The following SORCS1 variants were observed in gnomAD, a reference collection of about 807,000 sequenced individuals.
The protein encoded by SORCS1 is VPS10 domain-containing receptor SorCS1.
Under a neutral mutation model 146.1 loss-of-function variants are expected in SORCS1, and 60 were observed. That is an observed-to-expected ratio of 0.41 (90% CI 0.33 to 0.51). The LOEUF (loss-of-function observed/expected upper bound fraction) is 0.51. Among genes scored for constraint, SORCS1 ranks in the 20% least tolerant of loss-of-function variants. SORCS1 has a pLI of 0.21. For synonymous variants in SORCS1, 637 were observed against 584.0 expected, an observed-to-expected ratio of 1.09 and a Z score of -1.31; for missense variants, 1,352 against 1,487.6, an observed-to-expected ratio of 0.91 and a Z score of 1.50.
At chr10:106,649,407 T>G (rs1164790120) in intron 18 of SORCS1, among the ~76,000 whole-genome samples, 1 of 152,204 alleles carries the variant, frequency 6.6e-6, no homozygotes, top group African/African-American at 2.4e-5. Context: ...ATCACACGCC[T>G]GTTAGGGGGA....
At chr10:106,863,039 T>C (rs944508478) in intron 2 of SORCS1, among the ~76,000 whole-genome samples, 1 of 151,994 alleles carries the variant, frequency 6.6e-6, no homozygotes, top group African/African-American at 2.4e-5. Context: ...TAAGAAAAAA[T>C]CTGATAATAT....
chr10:107,170,846 CAA>C, the SORCS1 span, among the ~76,000 whole-genome samples: 1 of 152,318 alleles, frequency 6.6e-6, no homozygotes, highest in Admixed American at 6.5e-5. Flanking sequence ...GTCAAAGGCA[CAA>C]AGTCTGTTGT....
chr10:106,918,548 T>C (rs578214662), intron 2 of SORCS1, among the ~76,000 whole-genome samples: 1 of 151,684 alleles, frequency 6.6e-6, no homozygotes, highest in South Asian at 2.1e-4. Flanking sequence ...CCAAACAGTA[T>C]GCATACTGAA....
chr10:106,666,033 G>T (rs1851110658), intron 17 of SORCS1, among the ~76,000 whole-genome samples: 1 of 152,078 alleles, frequency 6.6e-6, no homozygotes, highest in Non-Finnish European at 1.5e-5. Context: ...GTAGAGACAG[G>T]TTTTCACCAT....
At chr10:106,641,196 A>G (rs192640237) in intron 18 of SORCS1, among the ~76,000 whole-genome samples, 2 of 152,326 alleles carry the variant, frequency 1.3e-5, no homozygotes, top group Admixed American at 1.3e-4. Context: ...TCTGAGTAAC[A>G]TATCAGGTGA....
chr10:107,038,082 C>T (rs1286479276), intron 1 of SORCS1, among the ~76,000 whole-genome samples: 1 of 152,154 alleles, frequency 6.6e-6, no homozygotes, highest in Non-Finnish European at 1.5e-5. Context: ...CTCAGCCTCC[C>T]AGTGTGCTGG....
chr10:107,163,948 C>T (rs1337000430), intron 1 of SORCS1, 21 bp downstream of exon 1: 2 of 1,602,664 alleles, frequency 1.2e-6, no homozygotes, highest in Non-Finnish European at 1.7e-6. Context: ...ACCCCTTTAC[C>T]CTCAGTCCCA....
chr10:106,817,955 A>C (rs1947822903), intron 3 of SORCS1, among the ~76,000 whole-genome samples: 2 of 152,208 alleles, frequency 1.3e-5, no homozygotes, highest in Admixed American at 6.5e-5. Context: ...CTAAACTCTT[A>C]AAGCCTTTGT....
chr10:106,895,796 C>G lies in SORCS1; in HGVS notation c.626+60717G>C, dbSNP rs528377549. On this transcript the variant is annotated intron_variant, in intron 2 of 25. Coordinates refer to ENST00000263054, the MANE Select transcript of SORCS1 (RefSeq NM_052918.5). ...TCCCACTCTTAGGTGTATGTCCAAA[C>G]AGAGTCTCAAAGGGATATTTGCATG... Among the ~76,000 whole-genome samples the G allele has an allele frequency of 2.6e-5, 4 of 152,262 alleles. No homozygotes were observed. The East Asian group carries it at 7.7e-4, about 29-fold the overall frequency.
At chr10:106,746,547 T>C (rs1040922913) in intron 5 of SORCS1, among the ~76,000 whole-genome samples, 1 of 152,256 alleles carries the variant, frequency 6.6e-6, no homozygotes, top group Admixed American at 6.5e-5. Context: ...CTTATATTTA[T>C]GATTCAGGCA....
intron 4 of SORCS1, among the ~76,000 whole-genome samples, chr10:106,762,001 G>A (rs1434895754): frequency 6.6e-6 from 1 of 152,232 alleles, no homozygotes; most frequent in Non-Finnish European, 1.5e-5. Context: ...CATGTGCTGA[G>A]CATTGTGGGT....
chr10:107,139,445 G>C (rs1967610758), intron 1 of SORCS1, among the ~76,000 whole-genome samples: 1 of 152,166 alleles, frequency 6.6e-6, no homozygotes, highest in Non-Finnish European at 1.5e-5. Context: ...CTGTGATCTG[G>C]TCCTGCAATC....
At chr10:107,113,383 T>C (rs1159518541) in intron 1 of SORCS1, among the ~76,000 whole-genome samples, 3 of 151,962 alleles carry the variant, frequency 2.0e-5, no homozygotes, top group Non-Finnish European at 4.4e-5. Context: ...TAGTGATAAA[T>C]GCCAACATCA....
chr10:106,607,100 G>C, intron 23 of SORCS1, 66 bp downstream of exon 23: 2 of 1,580,412 alleles, frequency 1.3e-6, no homozygotes, highest in Non-Finnish European at 1.7e-6. Context: ...AGAAATGGAG[G>C]CTTAGAAAGT....
At chr10:106,717,233 C>T (rs1222615801) in intron 6 of SORCS1, among the ~76,000 whole-genome samples, 2 of 152,190 alleles carry the variant, frequency 1.3e-5, no homozygotes, top group African/African-American at 2.4e-5. Flanking sequence ...TCCTTTTGTT[C>T]TACTGCTCTA....
intron 19 of SORCS1, among the ~76,000 whole-genome samples, chr10:106,622,751 T>C (rs1313085828): frequency 6.6e-6 from 1 of 152,204 alleles, no homozygotes; most frequent in African/African-American, 2.4e-5. Context: ...TCTTATGAAG[T>C]AGGCACTAAT....
chr10:106,822,966 A>G (rs112149307), intron 3 of SORCS1, among the ~76,000 whole-genome samples: 14 of 151,932 alleles, frequency 9.2e-5, no homozygotes, highest in African/African-American at 3.1e-4. Context: ...TATTTTTAGT[A>G]GAGACAGGGT....
chr10:106,581,445 A>T (rs982360787), intron 24 of SORCS1, among the ~76,000 whole-genome samples: 1 of 152,186 alleles, frequency 6.6e-6, no homozygotes, highest in African/African-American at 2.4e-5. Context: ...TAGCACAAAA[A>T]GCAAATTAAC....
At chr10:106,969,410 T>C (rs1033541428) in intron 1 of SORCS1, among the ~76,000 whole-genome samples, 4 of 152,162 alleles carry the variant, frequency 2.6e-5, no homozygotes, top group Admixed American at 2.0e-4. Flanking sequence ...GAGCAAAAAA[T>C]AATCTTAATA....
Sources: gnomAD v4.1 joint callset for allele counts (sites outside exome capture counted in the v4.1 genomes callset) on GRCh38, gnomAD v4.1.1 for gene constraint, MANE v1.5 for transcripts, NCBI Gene and HGNC (gene_info 2026-07-23, HGNC 2026-07-21) for gene names.